WWOX: variants seen among roughly 807,000 people sequenced by gnomAD.
WWOX encodes the protein WW domain-containing oxidoreductase.
A neutral mutation model predicts 46.2 loss-of-function variants in WWOX; 69 were observed. The observed-to-expected ratio is 1.49, with a 90% CI of 1.23 to 1.82. The LOEUF is 1.82. Among genes scored for constraint, WWOX ranks in the 40% most tolerant of loss-of-function variants. The pLI is 0.00. For synonymous variants in WWOX, 359 were observed against 202.6 expected (o/e 1.77, Z -6.56); for missense variants, 919 against 542.6 (o/e 1.69, Z -6.89).
chr16:78,216,964 C>T (rs1402332519), intron 5 of WWOX, among the ~76,000 whole-genome samples: 1 of 152,214 alleles, frequency 6.6e-6, no homozygotes, highest in African/African-American at 2.4e-5. Flanking sequence ...CTCAAGTGAT[C>T]TGCCTGCCTT....
At chr16:78,876,463 G>C (rs2044236017) in intron 8 of WWOX, among the ~76,000 whole-genome samples, 1 of 139,628 alleles carries the variant, frequency 7.2e-6, no homozygotes, top group African/African-American at 2.7e-5. Flanking sequence ...GTGAATGCTT[G>C]ACTCTTCTTT....
intron 8 of WWOX, among the ~76,000 whole-genome samples, chr16:78,920,405 C>T (rs1427995213): frequency 6.6e-6 from 1 of 152,158 alleles, no homozygotes; most frequent in Non-Finnish European, 1.5e-5. Context: ...TGTTTTCTGT[C>T]TTGCTGTCCC....
intron 8 of WWOX, among the ~76,000 whole-genome samples, chr16:79,108,866 A>C (rs1050412002): frequency 5.3e-5 from 8 of 151,914 alleles, no homozygotes; most frequent in Admixed American, 4.6e-4. Flanking sequence ...ATGCCGCTGC[A>C]CTCCAGCATA....
chr16:79,187,435 C>T (rs1423647573), intron 8 of WWOX, among the ~76,000 whole-genome samples: 2 of 152,196 alleles, frequency 1.3e-5, no homozygotes, highest in East Asian at 1.9e-4. Flanking sequence ...GAGTATCGCT[C>T]TGTCACCCAG....
intron 4 of WWOX, among the ~76,000 whole-genome samples, chr16:78,154,822 C>T (rs1038887508): frequency 2.6e-5 from 4 of 152,082 alleles, no homozygotes; most frequent in Non-Finnish European, 4.4e-5. Context: ...CTTTGAGATT[C>T]GGTGATTGAG....
chr16:78,700,446 T>C lies in WWOX; in HGVS notation c.1056+267694T>C, dbSNP rs116039417. Among the ~76,000 whole-genome samples the C allele has an allele frequency of 2.2e-3, 342 of 152,040 alleles. 2 individuals carry two copies. Among genetic ancestry groups the C allele is most frequent in the African/African-American group, 8.0e-3 (331 of 41,464 alleles). Reference sequence around the variant, plus strand: ...TGAGAGGCCCTACCTCCAAACACCATCTTATTGGGTGTTCTAGTTTAACAT... The same window carrying C: ...TGAGAGGCCCTACCTCCAAACACCACCTTATTGGGTGTTCTAGTTTAACAT... On this transcript the variant is annotated intron_variant, in intron 8 of 8. Transcript: ENST00000566780.
intron 6 of WWOX, among the ~76,000 whole-genome samples, chr16:78,402,223 G>C (rs985583245): frequency 6.6e-6 from 1 of 152,170 alleles, no homozygotes; most frequent in African/African-American, 2.4e-5. Flanking sequence ...CATATGAGTG[G>C]AGTTAGATAA....
intron 8 of WWOX, among the ~76,000 whole-genome samples, chr16:78,508,057 G>T (rs1015277927): frequency 2.6e-5 from 4 of 151,606 alleles, no homozygotes; most frequent in Non-Finnish European, 5.9e-5. Flanking sequence ...ACTCAGGCTG[G>T]AGTGTAGTGG....
intron 8 of WWOX, among the ~76,000 whole-genome samples, chr16:79,051,163 A>T (rs2048160492): frequency 6.6e-6 from 1 of 152,162 alleles, no homozygotes; most frequent in Non-Finnish European, 1.5e-5. Context: ...TATATGTGTG[A>T]CTTGAAGTTG....
At chr16:78,230,785 A>G (rs2037236582) in intron 5 of WWOX, among the ~76,000 whole-genome samples, 1 of 152,224 alleles carries the variant, frequency 6.6e-6, no homozygotes, top group Non-Finnish European at 1.5e-5. Flanking sequence ...AGGAGTATAG[A>G]CTAGGGGGCT....
chr16:78,610,596 C>G (rs923250503), intron 8 of WWOX, among the ~76,000 whole-genome samples: 10 of 152,074 alleles, frequency 6.6e-5, no homozygotes, highest in Middle Eastern at 3.2e-3. Context: ...TGACTAGTCT[C>G]TCTGTGTGAG....
chr16:78,893,161 C>G (rs564242792), intron 8 of WWOX, among the ~76,000 whole-genome samples: 5 of 151,316 alleles, frequency 3.3e-5, no homozygotes, highest in Admixed American at 6.6e-5. Context: ...GTCACAAAGA[C>G]ACACGACTAT....
At chr16:78,500,261 A>T (rs2085026697) in intron 8 of WWOX, among the ~76,000 whole-genome samples, 1 of 152,170 alleles carries the variant, frequency 6.6e-6, no homozygotes, top group African/African-American at 2.4e-5. Flanking sequence ...AGAAGGTATG[A>T]ATTGCTTGGC....
intron 8 of WWOX, among the ~76,000 whole-genome samples, chr16:79,035,047 A>G (rs751019173): frequency 2.0e-5 from 3 of 152,204 alleles, no homozygotes; most frequent in Non-Finnish European, 4.4e-5. Flanking sequence ...AACATTTCCT[A>G]CATTCAACAT....
intron 8 of WWOX, among the ~76,000 whole-genome samples, chr16:78,838,689 A>G (rs2052056943): frequency 6.6e-6 from 1 of 152,070 alleles, no homozygotes; most frequent in Admixed American, 6.5e-5. Flanking sequence ...TAAAAATACA[A>G]AAAGTTAGCC....
At chr16:79,145,878 A>G (rs374912171) in intron 8 of WWOX, among the ~76,000 whole-genome samples, 2 of 152,338 alleles carry the variant, frequency 1.3e-5, no homozygotes, top group African/African-American at 2.4e-5. Flanking sequence ...ATAAATGTAT[A>G]AGAGTGATCA....
At chr16:78,848,603 G>A (rs2052360341) in intron 8 of WWOX, among the ~76,000 whole-genome samples, 1 of 152,158 alleles carries the variant, frequency 6.6e-6, no homozygotes, top group African/African-American at 2.4e-5. Flanking sequence ...AGGGTGCAGA[G>A]TGGGAAGGGC....
intron 5 of WWOX, among the ~76,000 whole-genome samples, chr16:78,211,742 C>T (rs898401344): frequency 6.6e-6 from 1 of 152,116 alleles, no homozygotes; most frequent in Non-Finnish European, 1.5e-5. Flanking sequence ...GCAGTGGGAA[C>T]CTGGCTTTGC....
At chr16:78,417,650 C>G (rs185961058) in intron 6 of WWOX, among the ~76,000 whole-genome samples, 1,893 of 152,274 alleles carry the variant, frequency 0.012, 20 homozygotes, top group Non-Finnish European at 0.017. Flanking sequence ...AGCAGTGGTC[C>G]TGTCTTACTA....
Sources: allele counts gnomAD v4.1 joint callset (sites outside exome capture counted in the v4.1 genomes callset), GRCh38; gene constraint gnomAD v4.1.1; transcripts MANE v1.5; gene names NCBI Gene and HGNC (gene_info 2026-07-23, HGNC 2026-07-21).